Variants in FXYD6 observed in about 807,000 individuals in gnomAD.
FXYD6 encodes FXYD domain containing ion transport regulator 6, also known as FXYD domain-containing ion transport regulator 6.
Under a neutral mutation model 16.7 loss-of-function variants are expected in FXYD6, and 7 were observed. The observed-to-expected ratio is 0.42, with a 90% CI of 0.24 to 0.79. The LOEUF (loss-of-function observed/expected upper bound fraction) is 0.79. FXYD6 is among the 30% of genes least tolerant of loss of function. The pLI is 0.28. For missense variants in FXYD6, 111 were observed against 116.2 expected, an observed-to-expected ratio of 0.95 and a Z score of 0.21; for synonymous variants, 49 against 43.0, an observed-to-expected ratio of 1.14 and a Z score of -0.54.
At chr11:117,842,644 G>T in intron 2 of FXYD6, 75 bp downstream of exon 2, 3 of 1,466,778 alleles carry the variant, frequency 2.0e-6, no homozygotes, top group African/African-American at 1.4e-5. Flanking sequence ...GTCCCAAGGG[G>T]CCCAGAACCT....
intron 7 of FXYD6, 95 bp downstream of exon 7, chr11:117,839,686 A>G: frequency 6.7e-7 from 1 of 1,499,026 alleles, no homozygotes; most frequent in Admixed American, 1.7e-5. Context: ...GCCCACTGCA[A>G]AAGCTAGCCC....
intron 1 of FXYD6, chr11:117,869,250 A>G (rs2057080004): frequency 6.6e-6 from 1 of 152,320 alleles, no homozygotes; most frequent in South Asian, 2.1e-4. Flanking sequence ...CCAGCAGTCC[A>G]TGGCTCAAGG....
intron 1 of FXYD6, among the ~76,000 whole-genome samples, chr11:117,854,661 A>G (rs2056684151): frequency 6.6e-6 from 1 of 152,258 alleles, no homozygotes; most frequent in African/African-American, 2.4e-5. Context: ...ACAATAGTCC[A>G]GAAAGACAGA....
chr11:117,838,376 C>CGGTATGACA, intron 7 of FXYD6, 99 bp from the exon 8 acceptor site: 2 of 694,526 alleles, frequency 2.9e-6, no homozygotes, highest in Non-Finnish European at 5.3e-6. Context: ...CTGAAATTCC[C>CGGTATGACA]GGTATGACAG....
intron 1 of FXYD6, among the ~76,000 whole-genome samples, chr11:117,856,189 A>G (rs2056722339): frequency 6.6e-6 from 1 of 152,102 alleles, no homozygotes; most frequent in African/African-American, 2.4e-5. Flanking sequence ...ATTTCACTTA[A>G]TTGCTGGGTA....
intron 1 of FXYD6, among the ~76,000 whole-genome samples, chr11:117,858,647 CTTTCTTTCTTTCTTTCT>C (rs1565323267): frequency 9.5e-5 from 5 of 52,870 alleles, no homozygotes; most frequent in African/African-American, 3.0e-4. Flanking sequence ...TTCTTTCTTT[CTTTCTTTCTTTCTTTCT>C]TTCTTTCTTT....
intron 1 of FXYD6, among the ~76,000 whole-genome samples, chr11:117,856,529 G>A (rs2056731184): frequency 6.6e-6 from 1 of 152,162 alleles, no homozygotes; most frequent in Non-Finnish European, 1.5e-5. Context: ...AGAAAGATGA[G>A]GTCTCACTTC....
At chr11:117,868,139 G>A (rs527987922) in intron 1 of FXYD6, among the ~76,000 whole-genome samples, 3 of 152,122 alleles carry the variant, frequency 2.0e-5, no homozygotes, top group Non-Finnish European at 2.9e-5. Context: ...TTCTCCTATC[G>A]GAAAAGTCTC....
chr11:117,842,800 A>G lies in FXYD6; in HGVS notation c.-5-19T>C. 6.4e-7 allele frequency: 1 copy of G among 1,554,468 alleles called. No individual in the cohort carries two copies. On this transcript the variant is annotated intron_variant, in intron 1 of 7. Coordinates refer to ENST00000526014, the MANE Select transcript of FXYD6 (RefSeq NM_022003.4). ...ATGGCGTCTGGGGACAGAGGGAGGAAAAAATGATTCTCTGGCTAAGAAGCC... is the reference window on the plus strand; with the variant it reads ...ATGGCGTCTGGGGACAGAGGGAGGAGAAAATGATTCTCTGGCTAAGAAGCC...
Position 117,839,843 on chromosome 11 carries a change from C to T in FXYD6, c.260-13G>A, listed in dbSNP as rs1025892589. ...TGGGGCTCTGTTGCTGGAAAGAAAACCAGAATGGATTATAGTGTATAGACT... is the reference window on the plus strand; with the variant it reads ...TGGGGCTCTGTTGCTGGAAAGAAAATCAGAATGGATTATAGTGTATAGACT... On this transcript the variant is annotated splice_polypyrimidine_tract_variant and intron_variant, in intron 6 of 7. Coordinates refer to ENST00000526014, the MANE Select transcript of FXYD6 (RefSeq NM_022003.4). 4 of 1,614,140 alleles carry T rather than the reference C, an allele frequency of 2.5e-6. No homozygotes were observed. Among genetic ancestry groups the T allele is most frequent in the Non-Finnish European group, 3.4e-6 (4 of 1,180,028 alleles).
At position 117,841,149 on chromosome 11, in the gene FXYD6, G is replaced by T. The variant is rs143269006; in HGVS notation, c.208C>A (p.Arg70=). 5 of 1,613,882 alleles carry T rather than the reference G, an allele frequency of 3.1e-6. No individual in the cohort carries two copies. The highest frequency in any genetic ancestry group is 4.2e-6 in the Non-Finnish European group (5 of 1,179,994). ...AGGCCACTGCCACGGCATCCTTACC[G>T]GGGCTTCTGATTGAAACTGCACTTG... ...RCKCSFNQKP[R]APGDEEAQVE... Residue 70 remains arginine (R), a splice_region_variant and synonymous_variant, in exon 5 of 8, where the codon CGG becomes AGG. Coordinates refer to ENST00000526014, the MANE Select transcript of FXYD6 (RefSeq NM_022003.4).
At chr11:117,847,743 T>A (rs1288766273) in intron 1 of FXYD6, among the ~76,000 whole-genome samples, 1 of 152,154 alleles carries the variant, frequency 6.6e-6, no homozygotes, top group Non-Finnish European at 1.5e-5. Context: ...ATGTGCCACA[T>A]TTTCTTAATC....
At chr11:117,850,707 G>T (rs552975549) in intron 1 of FXYD6, among the ~76,000 whole-genome samples, 1 of 151,538 alleles carries the variant, frequency 6.6e-6, no homozygotes, top group African/African-American at 2.4e-5. Flanking sequence ...TACGTAGGCT[G>T]GTCTCGAACT....
intron 1 of FXYD6, among the ~76,000 whole-genome samples, chr11:117,865,429 C>G (rs2056993307): frequency 6.6e-6 from 1 of 152,222 alleles, no homozygotes; most frequent in Non-Finnish European, 1.5e-5. Flanking sequence ...TTCATAGCAG[C>G]ATTATTCACA....
At chr11:117,873,886 C>T (rs771383967) in intron 1 of FXYD6, among the ~76,000 whole-genome samples, 1 of 152,134 alleles carries the variant, frequency 6.6e-6, no homozygotes, top group African/African-American at 2.4e-5. Flanking sequence ...CGGTTGTACC[C>T]GCCCACTAAG....
chr11:117,840,688 T>C (rs1169896635), intron 5 of FXYD6, among the ~76,000 whole-genome samples: 1 of 152,004 alleles, frequency 6.6e-6, no homozygotes, highest in Non-Finnish European at 1.5e-5. Flanking sequence ...GCTATTATAG[T>C]AAACTAATGG....
chr11:117,842,841 C>T, intron 1 of FXYD6, 60 bp from the exon 2 acceptor site: 3 of 1,535,720 alleles, frequency 2.0e-6, no homozygotes, highest in East Asian at 2.5e-5. Context: ...CCGTCAGCTC[C>T]AAGCGTCAGC....
intron 1 of FXYD6, among the ~76,000 whole-genome samples, chr11:117,863,970 T>C (rs1292859207): frequency 6.6e-6 from 1 of 152,058 alleles, no homozygotes; most frequent in Non-Finnish European, 1.5e-5. Context: ...ACGGAAAAAA[T>C]AGTCCATGTT....
At chr11:117,865,223 G>A (rs1301098618) in intron 1 of FXYD6, among the ~76,000 whole-genome samples, 1 of 152,166 alleles carries the variant, frequency 6.6e-6, no homozygotes, top group Non-Finnish European at 1.5e-5. Context: ...AACAAGTGTT[G>A]GTGAGGATGT....
Sources: allele counts gnomAD v4.1 joint callset (sites outside exome capture counted in the v4.1 genomes callset), GRCh38; gene constraint gnomAD v4.1.1; transcripts MANE v1.5; gene names NCBI Gene and HGNC (gene_info 2026-07-23, HGNC 2026-07-21).